COBLL1: variants seen among roughly 807,000 people sequenced by gnomAD.
COBLL1 encodes cordon-bleu protein-like 1.
In COBLL1, 50 loss-of-function variants were observed where a neutral mutation model predicts 94.8. The ratio of observed to expected loss-of-function variants is 0.53; its 90% CI spans 0.42 to 0.67. The LOEUF is 0.67. Among genes scored for constraint, COBLL1 ranks in the 30% least tolerant of loss-of-function variants. The pLI is 0.00. For synonymous variants in COBLL1, 448 were observed against 473.8 expected, an observed-to-expected ratio of 0.95 and a Z score of 0.71; for missense variants, 1,362 against 1,348.7, an observed-to-expected ratio of 1.01 and a Z score of -0.15.
intron 2 of COBLL1, among the ~76,000 whole-genome samples, chr2:164,818,591 CAT>C (rs1285191273): frequency 4.1e-5 from 6 of 146,952 alleles, no homozygotes; most frequent in Non-Finnish European, 7.4e-5. Context: ...CATATGTACA[CAT>C]ATATAGCATA....
intron 13 of COBLL1, among the ~76,000 whole-genome samples, chr2:164,691,791 A>T (rs1474874456): frequency 6.6e-6 from 1 of 151,990 alleles, no homozygotes; most frequent in Non-Finnish European, 1.5e-5. Context: ...TTTTTGGTTT[A>T]ACCTATAAAA....
intron 7 of COBLL1, among the ~76,000 whole-genome samples, chr2:164,707,064 AC>A (rs1165079989): frequency 1.3e-5 from 2 of 151,764 alleles, no homozygotes; most frequent in Non-Finnish European, 2.9e-5. Flanking sequence ...CAGGGTGGTC[AC>A]CCTTACTGCT....
intron 3 of COBLL1, among the ~76,000 whole-genome samples, chr2:164,731,865 A>G (rs181816949): frequency 1.3e-3 from 199 of 152,310 alleles, no homozygotes; most frequent in African/African-American, 4.6e-3. Flanking sequence ...CGTCACCCCT[A>G]GTAAGCTCCC....
chr2:164,672,072 C>T (rs1271772870), intron 1 of COBLL1, among the ~76,000 whole-genome samples: 3 of 152,184 alleles, frequency 2.0e-5, no homozygotes, highest in African/African-American at 7.2e-5. Flanking sequence ...GGAAAGTACC[C>T]TGTGACAAAT....
rs569651427 is a variant in COBLL1 at position 164,715,934 on chromosome 2, C to T, written c.996+6141G>A. 3.5e-4 allele frequency among the ~76,000 whole-genome samples: 53 copies of T among 152,254 alleles called. 1 individual carries two copies. In the South Asian group the frequency reaches 0.011, roughly 32 times the overall value. On this transcript the variant is annotated intron_variant, in intron 7 of 13. Transcript: ENST00000652658. ...GTTGTATATCCATCATTCCAAGCAGCAGTCACACCAAATGTGCCAAATGAA... is the reference window on the plus strand; with the variant it reads ...GTTGTATATCCATCATTCCAAGCAGTAGTCACACCAAATGTGCCAAATGAA...
chr2:164,755,730 C>T (rs544859961), intron 2 of COBLL1, among the ~76,000 whole-genome samples: 44 of 152,182 alleles, frequency 2.9e-4, no homozygotes, highest in South Asian at 2.5e-3. Context: ...TAATTTAGCT[C>T]GCAACTCAAA....
intron 2 of COBLL1, among the ~76,000 whole-genome samples, chr2:164,807,611 C>T (rs190217127): frequency 1.3e-5 from 2 of 152,144 alleles, no homozygotes; most frequent in Admixed American, 1.3e-4. Context: ...AATGTAAATA[C>T]AGTACAGATA....
upstream of COBLL1, chr2:164,842,054 G>A: frequency 6.5e-7 from 1 of 1,528,486 alleles, no homozygotes; most frequent in African/African-American, 1.4e-5. Flanking sequence ...TTGGAGCGAG[G>A]GAAGCAGCGA....
intron 2 of COBLL1, among the ~76,000 whole-genome samples, chr2:164,755,999 T>C (rs1687380280): frequency 6.7e-6 from 1 of 150,298 alleles, no homozygotes; most frequent in Non-Finnish European, 1.5e-5. Flanking sequence ...ATACATATAG[T>C]ACACACATAC....
Position 164,694,592 on chromosome 2 carries a change from T to C in COBLL1, c.2800A>G (p.Thr934Ala). 1 of 1,613,788 alleles carries C rather than the reference T, an allele frequency of 6.2e-7. No individual in the cohort carries two copies. Among genetic ancestry groups the C allele is most frequent in the Non-Finnish European group, 8.5e-7 (1 of 1,179,916 alleles). ...GCCTGACCGATGACATCATCATCAG[T>C]TTTTTCAACAAGGGGTTGTGGAACA... Reference protein sequence around the residue: ...HSVPQPLVEKTDDDVIGQAPA... With the variant: ...HSVPQPLVEKADDDVIGQAPA... Residue 934 changes from threonine (T) to alanine (A), a missense_variant, in exon 12 of 14, where the codon ACT becomes GCT. Transcript: ENST00000652658.
chr2:164,765,188 C>T (rs903794021), intron 2 of COBLL1, among the ~76,000 whole-genome samples: 7 of 152,120 alleles, frequency 4.6e-5, no homozygotes, highest in African/African-American at 9.7e-5. Flanking sequence ...AGACATCATG[C>T]GCTTCATGAC....
intron 2 of COBLL1, chr2:164,837,588 T>C (rs1683375962): frequency 2.4e-6 from 1 of 417,448 alleles, no homozygotes; most frequent in East Asian, 7.1e-5. Flanking sequence ...TAGATCACTA[T>C]GTAAGTTAAA....
At chr2:164,814,601 T>C (rs1375202997) in intron 2 of COBLL1, among the ~76,000 whole-genome samples, 1 of 148,800 alleles carries the variant, frequency 6.7e-6, no homozygotes, top group Non-Finnish European at 1.5e-5. Flanking sequence ...TAATCTTTCT[T>C]TTTTCCCACA....
chr2:164,660,069 C>G (rs1691045529), intron 2 of COBLL1, among the ~76,000 whole-genome samples: 1 of 152,128 alleles, frequency 6.6e-6, no homozygotes, highest in South Asian at 2.1e-4. Flanking sequence ...TCTTTTACCC[C>G]CTTAGCTAAA....
intron 2 of COBLL1, among the ~76,000 whole-genome samples, chr2:164,745,537 G>A (rs1686817648): frequency 6.6e-6 from 1 of 152,170 alleles, no homozygotes; most frequent in Admixed American, 6.5e-5. Flanking sequence ...GTAAAGATGA[G>A]TAAGACTCAG....
intron 1 of COBLL1, among the ~76,000 whole-genome samples, chr2:164,669,802 T>C (rs187607862): frequency 6.6e-6 from 1 of 152,370 alleles, no homozygotes; most frequent in Admixed American, 6.5e-5. Context: ...CATCTGTAAA[T>C]GGGAATAATA....
chr2:164,674,259 C>T (rs1177557681), intron 1 of COBLL1, among the ~76,000 whole-genome samples: 4 of 152,296 alleles, frequency 2.6e-5, no homozygotes, highest in African/African-American at 9.6e-5. Flanking sequence ...TAGGGTTTCA[C>T]CGTGTTGGCC....
At chr2:164,750,221 ATAGGTATCTCAAATGTTC>A (rs1351377262) in intron 2 of COBLL1, among the ~76,000 whole-genome samples, 1 of 152,174 alleles carries the variant, frequency 6.6e-6, no homozygotes, top group East Asian at 1.9e-4. Flanking sequence ...TGGATGTCCC[ATAGGTATCTCAAATGTTC>A]TATAACCAAA....
At chr2:164,805,337 C>CTCTATATATATATA (rs758137553) in intron 2 of COBLL1, among the ~76,000 whole-genome samples, 9 of 17,052 alleles carry the variant, frequency 5.3e-4, no homozygotes, top group Admixed American at 1.3e-3. Flanking sequence ...CTCTCTCTCT[C>CTCTATATATATATA]TATATATATA....
Sources: allele counts gnomAD v4.1 joint callset (sites outside exome capture counted in the v4.1 genomes callset), GRCh38; gene constraint gnomAD v4.1.1; transcripts MANE v1.5; gene names NCBI Gene and HGNC (gene_info 2026-07-23, HGNC 2026-07-21).